ST8SIA6: variants seen among roughly 807,000 people sequenced by gnomAD.
ST8SIA6 encodes the protein ST8 alpha-N-acetyl-neuraminide alpha-2,8-sialyltransferase 6, also known as alpha-2,8-sialyltransferase 8F.
ST8SIA6 carries 39 observed loss-of-function variants against 33.6 expected under a neutral mutation model. The ratio of observed to expected loss-of-function variants is 1.16; its 90% CI spans 0.90 to 1.52. ST8SIA6 has a LOEUF of 1.52. ST8SIA6 is among the 40% of genes most tolerant of loss of function. The pLI, the probability that ST8SIA6 is intolerant of heterozygous loss-of-function variation, is 0.00. For synonymous variants in ST8SIA6, 172 were observed against 167.2 expected, an observed-to-expected ratio of 1.03 and a Z score of -0.22; for missense variants, 441 against 443.8, an observed-to-expected ratio of 0.99 and a Z score of 0.06.
At chr10:17,446,785 G>T (rs1481296142) in intron 2 of ST8SIA6, among the ~76,000 whole-genome samples, 1 of 152,002 alleles carries the variant, frequency 6.6e-6, no homozygotes, top group Non-Finnish European at 1.5e-5. Flanking sequence ...AAAAAGGGCT[G>T]GGAGCGGTGG....
At chr10:17,383,125 CTTTT>C (rs920695436) in intron 3 of ST8SIA6, among the ~76,000 whole-genome samples, 73 of 145,254 alleles carry the variant, frequency 5.0e-4, no homozygotes, top group Admixed American at 3.4e-4. Context: ...AAGGTTTTCA[CTTTT>C]TTTTTTTAAT....
intron 5 of ST8SIA6, among the ~76,000 whole-genome samples, chr10:17,330,576 A>T (rs1848267368): frequency 6.6e-6 from 1 of 152,252 alleles, no homozygotes. Flanking sequence ...TACATGAGCA[A>T]CAAAAATTAG....
chr10:17,451,977 A>G (rs1167042951), intron 2 of ST8SIA6, among the ~76,000 whole-genome samples: 1 of 151,988 alleles, frequency 6.6e-6, no homozygotes, highest in Non-Finnish European at 1.5e-5. Context: ...TGAAAAATTC[A>G]TCAAAGATTA....
intron 2 of ST8SIA6, among the ~76,000 whole-genome samples, chr10:17,414,352 A>G (rs868083540): frequency 2.0e-5 from 3 of 152,038 alleles, no homozygotes; most frequent in Non-Finnish European, 2.9e-5. Flanking sequence ...GTCTCCTCCA[A>G]CCTCCCATAT....
At chr10:17,334,771 G>A (rs1848452915) in intron 4 of ST8SIA6, among the ~76,000 whole-genome samples, 1 of 152,060 alleles carries the variant, frequency 6.6e-6, no homozygotes, top group Non-Finnish European at 1.5e-5. Context: ...TGATTACCAT[G>A]GAGTGAAACA....
At position 17,317,310 on chromosome 10, in the gene ST8SIA6, A is replaced by G. The variant is rs961316919; in HGVS notation, c.*3568T>C. ...GTGATGACCCAAAATAAGAAAGACC[A>G]TGAGAAATATTCTTGCCTTTCCACT... On this transcript the variant is annotated 3_prime_UTR_variant, in exon 8 of 8. Coordinates refer to ENST00000377602, the MANE Select transcript of ST8SIA6 (RefSeq NM_001004470.3). Among the ~76,000 whole-genome samples, 4 of 152,168 alleles carry G rather than the reference A, an allele frequency of 2.6e-5. No individual in the cohort carries two copies. The highest frequency in any genetic ancestry group is 9.7e-5 in the African/African-American group (4 of 41,450).
At chr10:17,384,631 G>C (rs760148767) in intron 3 of ST8SIA6, among the ~76,000 whole-genome samples, 1 of 152,078 alleles carries the variant, frequency 6.6e-6, no homozygotes, top group Non-Finnish European at 1.5e-5. Flanking sequence ...TCTTCAAAAT[G>C]ATGTTTTCAT....
At chr10:17,417,573 G>T (rs1456366808) in intron 2 of ST8SIA6, among the ~76,000 whole-genome samples, 1 of 151,948 alleles carries the variant, frequency 6.6e-6, no homozygotes, top group African/African-American at 2.4e-5. Context: ...CTCCAGGAGG[G>T]CAGGCTTTTG....
chr10:17,418,687 G>T (rs1364852039), intron 2 of ST8SIA6, among the ~76,000 whole-genome samples: 1 of 152,070 alleles, frequency 6.6e-6, no homozygotes, highest in Non-Finnish European at 1.5e-5. Flanking sequence ...CTTTCAAATT[G>T]TTTACAGTAA....
chr10:17,363,405 A>G (rs144095303), intron 3 of ST8SIA6, among the ~76,000 whole-genome samples: 1 of 152,310 alleles, frequency 6.6e-6, no homozygotes, highest in African/African-American at 2.4e-5. Flanking sequence ...TCAATGTAGA[A>G]CTTGCCAATT....
intron 3 of ST8SIA6, among the ~76,000 whole-genome samples, chr10:17,372,266 A>T (rs1299475588): frequency 1.3e-5 from 2 of 152,228 alleles, no homozygotes; most frequent in African/African-American, 4.8e-5. Flanking sequence ...CGCTTGTGTA[A>T]AATAAGTAAC....
At chr10:17,391,765 G>C (rs1356223636) in intron 2 of ST8SIA6, among the ~76,000 whole-genome samples, 1 of 152,114 alleles carries the variant, frequency 6.6e-6, no homozygotes, top group Non-Finnish European at 1.5e-5. Flanking sequence ...AAGGACATGG[G>C]TTACAAAGTT....
intron 2 of ST8SIA6, among the ~76,000 whole-genome samples, chr10:17,396,777 C>A (rs1474883971): frequency 6.6e-6 from 1 of 152,216 alleles, no homozygotes; most frequent in East Asian, 1.9e-4. Flanking sequence ...TATTGCCTTA[C>A]CTTTCATTCA....
At chr10:17,447,823 A>AT (rs1588937543) in intron 2 of ST8SIA6, among the ~76,000 whole-genome samples, 1 of 151,822 alleles carries the variant, frequency 6.6e-6, no homozygotes, top group East Asian at 1.9e-4. Context: ...TTTAAAAAAA[A>AT]TTTTTTTTTG....
rs569799813 is a variant in ST8SIA6 at position 17,391,835 on chromosome 10, C to T, written c.201-1215G>A. Among the ~76,000 whole-genome samples the T allele has an allele frequency of 1.9e-4, 29 of 152,308 alleles. No individual in the cohort carries two copies. The South Asian group carries it at 4.8e-3, about 25-fold the overall frequency. ...TTATTTAACCCACTCCAGGCATAGA[C>T]TTCCATATTTCTAAATCAAGGATAA... is the stretch of plus-strand genomic sequence containing the variant. On this transcript the variant is annotated intron_variant, in intron 2 of 7. Coordinates refer to ENST00000377602, the MANE Select transcript of ST8SIA6 (RefSeq NM_001004470.3).
At position 17,362,873 on chromosome 10, in the gene ST8SIA6, G is replaced by A. The variant is rs188968628; in HGVS notation, c.291-3273C>T. ...ATTACAGGCGCGCGTCCCCATGTCC[G>A]GCTAATTTTTGTATTTTTAATAGAG... is the stretch of plus-strand genomic sequence containing the variant. On this transcript the variant is annotated intron_variant, in intron 3 of 7. Transcript: ENST00000377602. Among the ~76,000 whole-genome samples, 17 of 151,982 alleles carry A rather than the reference G, an allele frequency of 1.1e-4. No individual in the cohort carries two copies. In the East Asian group the frequency reaches 2.1e-3, roughly 19 times the overall value.
At chr10:17,341,951 T>C (rs1183541584) in intron 4 of ST8SIA6, among the ~76,000 whole-genome samples, 7 of 141,172 alleles carry the variant, frequency 5.0e-5, no homozygotes, top group African/African-American at 1.6e-4. Flanking sequence ...AGAAAGAAGC[T>C]GGCTGTCTAT....
At chr10:17,326,882 T>G in intron 6 of ST8SIA6, 132 bp downstream of exon 6, 2 of 580,600 alleles carry the variant, frequency 3.4e-6, no homozygotes, top group Non-Finnish European at 5.5e-6. Flanking sequence ...TCAGGAAACC[T>G]TCCCGGGTAA....
intron 4 of ST8SIA6, among the ~76,000 whole-genome samples, chr10:17,358,779 T>A (rs532604305): frequency 6.8e-6 from 1 of 147,768 alleles, no homozygotes; most frequent in Non-Finnish European, 1.5e-5. Context: ...AAGGAGAAGA[T>A]GATGAGGAAG....
Sources: allele counts gnomAD v4.1 joint callset (sites outside exome capture counted in the v4.1 genomes callset), GRCh38; gene constraint gnomAD v4.1.1; transcripts MANE v1.5; gene names NCBI Gene and HGNC (gene_info 2026-07-23, HGNC 2026-07-21).